ADGRV1: variants seen among roughly 807,000 people sequenced by gnomAD.
ADGRV1 encodes adhesion G protein-coupled receptor V1.
ADGRV1 carries 359 observed loss-of-function variants against 596.2 expected under a neutral mutation model. That is an observed-to-expected ratio of 0.60 (90% CI 0.55 to 0.66). ADGRV1 has a LOEUF of 0.66. Ranked by LOEUF, ADGRV1 falls within the 30% of genes least tolerant of loss-of-function variation. The pLI, the probability that ADGRV1 is intolerant of heterozygous loss-of-function variation, is 0.00. For missense variants in ADGRV1, 7,274 were observed against 7,575.6 expected (o/e 0.96, Z 1.48); for synonymous variants, 2,681 against 2,679.2 (o/e 1.00, Z -0.02).
intron 1 of ADGRV1, among the ~76,000 whole-genome samples, chr5:90,564,569 T>C (rs1755290703): frequency 6.6e-6 from 1 of 152,034 alleles, no homozygotes; most frequent in South Asian, 2.1e-4. Context: ...AATTCACATA[T>C]GAAAAACAAT....
chr5:91,072,940 C>T (rs1454603695), intron 86 of ADGRV1, among the ~76,000 whole-genome samples: 2 of 152,200 alleles, frequency 1.3e-5, no homozygotes, highest in African/African-American at 4.8e-5. Flanking sequence ...GTTCATTTCT[C>T]TCCGATTCTG....
At chr5:90,753,953 T>G in intron 54 of ADGRV1, 124 bp downstream of exon 54, 2 of 914,516 alleles carry the variant, frequency 2.2e-6, no homozygotes, top group Non-Finnish European at 3.2e-6. Flanking sequence ...CAGGTCATAC[T>G]CAATCCTTTT....
At chr5:91,127,773 G>C (rs1420810512) in intron 87 of ADGRV1, among the ~76,000 whole-genome samples, 2 of 152,086 alleles carry the variant, frequency 1.3e-5, no homozygotes, top group African/African-American at 4.8e-5. Context: ...ATTCTCCTCT[G>C]TTTTCATAAT....
intron 1 of ADGRV1, among the ~76,000 whole-genome samples, chr5:90,585,907 C>G (rs1291033038): frequency 6.6e-6 from 1 of 152,192 alleles, no homozygotes; most frequent in Non-Finnish European, 1.5e-5. Context: ...CCTCACCTTG[C>G]TCTGTCCTTA....
At chr5:90,880,376 C>G (rs987237927) in intron 83 of ADGRV1, among the ~76,000 whole-genome samples, 1 of 152,082 alleles carries the variant, frequency 6.6e-6, no homozygotes, top group Admixed American at 6.5e-5. Flanking sequence ...AGGCTTTAAT[C>G]AGATAGATGG....
intron 29 of ADGRV1, among the ~76,000 whole-genome samples, chr5:90,686,445 ATGAG>A (rs1215739149): frequency 6.6e-6 from 1 of 151,924 alleles, no homozygotes. Flanking sequence ...CTTCCCACCT[ATGAG>A]TGAGAATATG....
At chr5:91,089,942 C>T (rs947390359) in intron 86 of ADGRV1, among the ~76,000 whole-genome samples, 3 of 152,134 alleles carry the variant, frequency 2.0e-5, no homozygotes, top group African/African-American at 7.2e-5. Flanking sequence ...TCCTTAATAG[C>T]TGAGTAACTG....
At chr5:90,562,533 T>A (rs1245813744) in intron 1 of ADGRV1, among the ~76,000 whole-genome samples, 2 of 152,138 alleles carry the variant, frequency 1.3e-5, no homozygotes, top group African/African-American at 2.4e-5. Flanking sequence ...ACTATACACT[T>A]AAAAATGTAC....
Position 90,763,429 on chromosome 5 carries a change from A to G in ADGRV1, c.12245A>G (p.His4082Arg). ...LEWTIDEKAKHNLSPLNGTLH... is the reference protein window; with the variant it reads ...LEWTIDEKAKRNLSPLNGTLH... ...TGGACCATAGATGAGAAGGCTAAAC[A>G]TAACCTTAGTCCTTTGAATGGGACC... The change falls in exon 59 of 90, where the codon CAT becomes CGT. Residue 4082 changes from histidine (H) to arginine (R), a missense_variant. Physicochemically the swap from His to Arg is conservative, Grantham distance 29. Transcript: ENST00000405460. The G allele has an allele frequency of 1.2e-6, 2 of 1,613,808 alleles. No individual in the cohort carries two copies. Among genetic ancestry groups the G allele is most frequent in the Non-Finnish European group, 1.7e-6 (2 of 1,179,720 alleles).
In ADGRV1 at chr5:90,774,174, C is replaced by T. The variant is rs1442706893; in HGVS notation, c.12286-12C>T. ...AATCTGGAAAATGCACTGTTTCTGT[C>T]ATTGGATGTAGACTGAGTCCCAGAA... On this transcript the variant is annotated splice_polypyrimidine_tract_variant and intron_variant, in intron 59 of 89. Transcript: ENST00000405460. 2.7e-6 allele frequency: 4 copies of T among 1,490,128 alleles called. No individual in the cohort carries two copies. The highest frequency in any genetic ancestry group is 1.8e-5 in the Admixed American group (1 of 57,088). 92.3% of individuals were successfully genotyped at this position (1,490,128 alleles called of 1,614,324 possible). A position where few individuals can be genotyped will look rare whatever the true frequency, so the allele number is the denominator to read the frequency against.
chr5:91,021,209 T>C (rs1363923124), intron 85 of ADGRV1, among the ~76,000 whole-genome samples: 1 of 152,120 alleles, frequency 6.6e-6, no homozygotes, highest in Non-Finnish European at 1.5e-5. Context: ...TTGTATTATT[T>C]CTAGAATGTC....
chr5:90,821,307 G>A (rs1185092840), intron 75 of ADGRV1, among the ~76,000 whole-genome samples: 465 of 150,322 alleles, frequency 3.1e-3, no homozygotes, highest in Non-Finnish European at 4.4e-3. Flanking sequence ...TATTCTAGTT[G>A]TACATTCTTC....
At chr5:90,899,676 C>A (rs1771655454) in intron 83 of ADGRV1, among the ~76,000 whole-genome samples, 2 of 152,248 alleles carry the variant, frequency 1.3e-5, no homozygotes, top group South Asian at 4.1e-4. Flanking sequence ...TAATTTTTAT[C>A]CTTCAGACAC....
rs771587239 is a variant in ADGRV1, at chr5:90,829,088, C to T, written c.16513C>T (p.Arg5505Trp). ...QSLVYFSVGS[R>W]LAVAHKKATL... ...CCTTGTGTATTTTTCTGTGGGTTCTCGGCTGGCAGTGGCTCACAAGAAGGC... is the reference window on the plus strand; with the variant it reads ...CCTTGTGTATTTTTCTGTGGGTTCTTGGCTGGCAGTGGCTCACAAGAAGGC... The change falls in exon 77 of 90, where the codon CGG becomes TGG. Residue 5505 changes from arginine to tryptophan, a missense_variant. By Grantham distance (101) the Arg-to-Trp change is moderately radical. This residue lies in a region of ADGRV1 where 1,874 missense variants were observed against 1,970.2 expected (regional missense o/e 0.95). Transcript: ENST00000405460. The T allele has an allele frequency of 6.8e-6, 11 of 1,612,348 alleles. No individual in the cohort carries two copies. The highest frequency in any genetic ancestry group is 2.7e-5 in the African/African-American group (2 of 74,962).
Position 90,692,732 on chromosome 5 carries a change from G to C in ADGRV1, c.7079G>C (p.Arg2360Pro). 1.9e-6 allele frequency: 3 copies of C among 1,608,016 alleles called. No individual in the cohort carries two copies. The highest frequency in any genetic ancestry group is 2.5e-6 in the Non-Finnish European group (3 of 1,177,228). The change falls in exon 32 of 90, where the codon CGT becomes CCT. Residue 2360 changes from arginine (R) to proline (P), a missense_variant. This residue lies in a region of ADGRV1 where 3,643 missense variants were observed against 3,809.2 expected (regional missense o/e 0.96). Transcript: ENST00000405460. ...GTVAFAQMVY[R>P]VQEPLERSSC... ...GTAGCCTTTGCTCAGATGGTTTATC[G>C]TGTTCAAGAGCCTCTGGAAAGAAGT...
intron 59 of ADGRV1, among the ~76,000 whole-genome samples, chr5:90,765,233 C>T (rs187803409): frequency 1.3e-5 from 2 of 152,092 alleles, no homozygotes; most frequent in East Asian, 1.9e-4. Context: ...GCCATCTGCT[C>T]GAGGCACTGG....
chr5:90,768,425 C>A (rs1245243489), intron 59 of ADGRV1, among the ~76,000 whole-genome samples: 1 of 152,148 alleles, frequency 6.6e-6, no homozygotes, highest in Non-Finnish European at 1.5e-5. Flanking sequence ...GGTATCCACT[C>A]CATCAATAAT....
At chr5:90,658,369 G>T (rs939394308) in intron 21 of ADGRV1, 91 bp downstream of exon 21, 2 of 1,190,524 alleles carry the variant, frequency 1.7e-6, no homozygotes, top group Non-Finnish European at 2.3e-6. Flanking sequence ...GGTAAGATTG[G>T]TTGCGCATCT....
At chr5:90,632,558 T>C (rs10072105) in intron 9 of ADGRV1, among the ~76,000 whole-genome samples, 115,120 of 152,106 alleles carry the variant, frequency 0.76, 44,414 homozygotes, top group African/African-American at 0.91. Flanking sequence ...TCCAAGTAAC[T>C]GCAGAGAATT....
Sources: allele counts gnomAD v4.1 joint callset (sites outside exome capture counted in the v4.1 genomes callset), GRCh38; gene constraint gnomAD v4.1.1; regional missense constraint gnomAD v4.1.1; transcripts MANE v1.5; gene names NCBI Gene and HGNC (gene_info 2026-07-23, HGNC 2026-07-21).